CUL4A: variants seen among roughly 807,000 people sequenced by gnomAD.
CUL4A encodes the protein cullin 4A.
Under a neutral mutation model 95.5 loss-of-function variants are expected in CUL4A, and 16 were observed. The observed-to-expected ratio is 0.17, with a 90% CI of 0.11 to 0.25. CUL4A has a LOEUF of 0.25. Ranked by LOEUF, CUL4A falls within the 10% of genes least tolerant of loss-of-function variation. The pLI is 1.00. For missense variants in CUL4A, 610 were observed against 937.0 expected (o/e 0.65, Z 4.56); for synonymous variants, 380 against 353.1 (o/e 1.08, Z -0.85).
At chr13:113,228,608 G>A (rs1343012482) in intron 4 of CUL4A, among the ~76,000 whole-genome samples, 1 of 151,964 alleles carries the variant, frequency 6.6e-6, no homozygotes, top group Admixed American at 6.6e-5. Context: ...TGTTGGGAAG[G>A]GTTTGGTGAG....
At chr13:113,219,257 T>C (rs141510158) in intron 3 of CUL4A, 5 of 460,312 alleles carry the variant, frequency 1.1e-5, no homozygotes, top group Non-Finnish European at 1.9e-5. Flanking sequence ...ATTTATTGGG[T>C]ATGGTTGAAG....
At position 113,232,202 on chromosome 13, in the gene CUL4A, GC is replaced by G. The variant is rs2041364281; in HGVS notation, c.513-972del. 2.9e-3 allele frequency among the ~76,000 whole-genome samples: 11 copies of G among 3,748 alleles called. 3 individuals carry two copies. The highest frequency in any genetic ancestry group is 6.4e-3 in the African/African-American group (9 of 1,404). The allele number at this position is 3,748 out of a possible 152,430, so 2.5% of individuals were successfully genotyped here. ...ACCATTACTGCTGCCACCACTACCC[GC>G]CCACCACCATTACTGCTGCCACCAC... On this transcript the variant is annotated intron_variant, in intron 5 of 19. Transcript: ENST00000375440.
In CUL4A at chr13:113,264,266, C is replaced by T. The variant is rs1313917303; in HGVS notation, c.*684C>T. 6.6e-6 allele frequency: 1 copy of T among 152,194 alleles called. No homozygotes were observed. Among genetic ancestry groups the T allele is most frequent in the Non-Finnish European group, 1.5e-5 (1 of 68,046 alleles). The allele number at this position is 152,194 out of a possible 1,614,324, so 9.4% of individuals were successfully genotyped here. On this transcript the variant is annotated 3_prime_UTR_variant, in exon 20 of 20. Transcript: ENST00000375440. ...TTCGTCAGCTGAGTTCCTTGTGAAT[C>T]TCTGTTTTAGGGTTTGGGGCTAGTG... is the stretch of plus-strand genomic sequence containing the variant.
Position 113,263,548 on chromosome 13 carries a change from A to G in CUL4A, c.2246A>G (p.Lys749Arg). The G allele has an allele frequency of 1.2e-6, 2 of 1,608,188 alleles. No homozygotes were observed. Among genetic ancestry groups the G allele is most frequent in the Non-Finnish European group, 1.7e-6 (2 of 1,177,476 alleles). ...LIDRDYMERD[K>R]DNPNQYHYVA Reference sequence around the variant, plus strand: ...GACAGAGACTATATGGAGAGAGACAAAGACAATCCGAATCAGTACCACTAC... The same window carrying G: ...GACAGAGACTATATGGAGAGAGACAGAGACAATCCGAATCAGTACCACTAC... Residue 749 changes from lysine to arginine, a missense_variant, in exon 20 of 20, where the codon AAA (lysine) becomes AGA (arginine). Lys to Arg is a conservative substitution (Grantham distance 26, BLOSUM62 2). Coordinates refer to ENST00000375440, the MANE Select transcript of CUL4A (RefSeq NM_001008895.4).
At chr13:113,244,573 T>A in intron 12 of CUL4A, 59 bp downstream of exon 12, 1 of 1,227,584 alleles carries the variant, frequency 8.1e-7, no homozygotes, top group South Asian at 1.3e-5. Context: ...AGGCCCTGCT[T>A]TCCCAGAGGA....
chr13:113,249,044 G>A (rs2139256797), intron 15 of CUL4A, among the ~76,000 whole-genome samples: 1 of 152,166 alleles, frequency 6.6e-6, no homozygotes, highest in African/African-American at 2.4e-5. Flanking sequence ...CATTCCATTA[G>A]CAGCTCCTCC....
intron 15 of CUL4A, among the ~76,000 whole-genome samples, chr13:113,248,877 A>G (rs921180177): frequency 2.0e-5 from 3 of 152,164 alleles, no homozygotes; most frequent in Non-Finnish European, 2.9e-5. Context: ...AACTTAGTGC[A>G]TGTTCAGTAC....
intron 2 of CUL4A, among the ~76,000 whole-genome samples, chr13:113,215,185 G>A (rs1390121722): frequency 6.4e-5 from 9 of 140,702 alleles, no homozygotes; most frequent in East Asian, 2.3e-4. Context: ...TCTCTCGTCC[G>A]TGTGGCTATG....
chr13:113,231,276 A>G (rs1044736233), intron 5 of CUL4A, among the ~76,000 whole-genome samples: 7 of 152,158 alleles, frequency 4.6e-5, no homozygotes, highest in African/African-American at 1.4e-4. Context: ...CATCTCTGGG[A>G]TGGGGAGGAG....
At chr13:113,208,690 C>T (rs1566999738), upstream of CUL4A, 9 of 1,558,116 alleles carry the variant, frequency 5.8e-6, no homozygotes, top group Non-Finnish European at 6.9e-6. Context: ...GGCCAGCTGG[C>T]GTCACTTCCG....
At chr13:113,231,030 C>T (rs2041293379) in intron 5 of CUL4A, among the ~76,000 whole-genome samples, 1 of 152,158 alleles carries the variant, frequency 6.6e-6, no homozygotes, top group South Asian at 2.1e-4. Context: ...ACCTCAGCCT[C>T]CCAAAGTGCT....
rs376855542 is a variant in CUL4A, at chr13:113,244,495, C to G, written c.1314C>G (p.Ile438Met). 2 of 1,612,574 alleles carry G rather than the reference C, an allele frequency of 1.2e-6. No homozygotes were observed. The highest frequency in any genetic ancestry group is 1.3e-5 in the African/African-American group (1 of 74,884). ...AGCGGACGTTGGACAAGATCATGAT[C>G]CTGTTCAGGTTTATCCACGGTGAGA... Reference protein sequence around the residue: ...ELERTLDKIMILFRFIHGKDV... With the variant: ...ELERTLDKIMMLFRFIHGKDV... The change falls in exon 12 of 20, where the codon ATC becomes ATG. Residue 438 changes from isoleucine (I) to methionine (M), a missense_variant. By Grantham distance (10) the Ile-to-Met change is conservative. This residue lies in a region of CUL4A where 153 missense variants were observed against 244.5 expected (regional missense o/e 0.63). Coordinates refer to ENST00000375440, the MANE Select transcript of CUL4A (RefSeq NM_001008895.4).
chr13:113,231,114 C>T (rs1428432717), intron 5 of CUL4A, among the ~76,000 whole-genome samples: 1 of 152,158 alleles, frequency 6.6e-6, no homozygotes, highest in African/African-American at 2.4e-5. Flanking sequence ...CCATAACTGT[C>T]ATACAAACTA....
Position 113,254,737 on chromosome 13 carries a change from C to G in CUL4A, c.1797C>G (p.Leu599=). The part of the protein sequence containing the change: ...FQVSLFQTLV[L]LMFNEGDGFS... Reference sequence around the variant, plus strand: ...TGTCCCTCTTCCAGACACTGGTGCTCCTCATGTTCAACGAGGGAGATGGCT... The same window carrying G: ...TGTCCCTCTTCCAGACACTGGTGCTGCTCATGTTCAACGAGGGAGATGGCT... Residue 599 remains leucine (L), a synonymous_variant, in exon 17 of 20, where the codon CTC becomes CTG. Coordinates refer to ENST00000375440, the MANE Select transcript of CUL4A (RefSeq NM_001008895.4). 6.2e-7 allele frequency: 1 copy of G among 1,613,226 alleles called. No homozygotes were observed. The highest frequency in any genetic ancestry group is 8.5e-7 in the Non-Finnish European group (1 of 1,179,830).
At position 113,233,292 on chromosome 13, in the gene CUL4A, G is replaced by A; in HGVS notation, c.628G>A (p.Asp210Asn). 6.2e-7 allele frequency: 1 copy of A among 1,613,690 alleles called. No individual in the cohort carries two copies. Among genetic ancestry groups the A allele is most frequent in the South Asian group, 1.1e-5 (1 of 91,048 alleles). ...IERERSGEAV[D>N]RSLLRSLLGM... Reference sequence around the variant, plus strand: ...GCGCGAGAGGAGCGGCGAGGCCGTGGACCGGAGCCTGTTGCGGAGCCTCCT... The same window carrying A: ...GCGCGAGAGGAGCGGCGAGGCCGTGAACCGGAGCCTGTTGCGGAGCCTCCT... Residue 210 changes from aspartate (D) to asparagine (N), a missense_variant, in exon 6 of 20, where the codon GAC (aspartate) becomes AAC (asparagine). Asp to Asn is a conservative substitution (Grantham distance 23). Around this residue, in one of 10 missense-constraint regions of CUL4A, gnomAD observed 97 missense variants for 100.3 expected, o/e 0.97. Coordinates refer to ENST00000375440, the MANE Select transcript of CUL4A (RefSeq NM_001008895.4).
chr13:113,252,381 A>G (rs891204742), intron 15 of CUL4A, among the ~76,000 whole-genome samples: 33 of 152,130 alleles, frequency 2.2e-4, no homozygotes, highest in African/African-American at 7.5e-4. Context: ...CAACAACAAC[A>G]ACAACAAAAA....
intron 18 of CUL4A, among the ~76,000 whole-genome samples, chr13:113,257,792 T>C (rs9604041): frequency 0.023 from 3,575 of 152,344 alleles, 145 homozygotes; most frequent in African/African-American, 0.081. Flanking sequence ...GTTATTTTTC[T>C]AGAAGTTTTT....
chr13:113,260,985 G>A (rs1595438154), intron 19 of CUL4A, among the ~76,000 whole-genome samples: 3 of 152,276 alleles, frequency 2.0e-5, no homozygotes, highest in Non-Finnish European at 4.4e-5. Flanking sequence ...CAGGGATGGT[G>A]CGCGCTTGTT....
Position 113,229,509 on chromosome 13 carries a change from C to A in CUL4A, c.502C>A (p.Pro168Thr), listed in dbSNP as rs1488747327. Residue 168 changes from proline (P) to threonine (T), a missense_variant, in exon 5 of 20, where the codon CCC becomes ACC. Transcript: ENST00000375440. Reference sequence around the variant, plus strand: ...CTATGTGCTGCAGAACTCCACGCTGCCCTCCATCTGGTGAGTGTCCTCACA... The same window carrying A: ...CTATGTGCTGCAGAACTCCACGCTGACCTCCATCTGGTGAGTGTCCTCACA... ...RTYVLQNSTL[P>T]SIWDMGLELF... The A allele has an allele frequency of 6.2e-7, 1 of 1,613,140 alleles. No homozygotes were observed.
Sources: allele counts gnomAD v4.1 joint callset (sites outside exome capture counted in the v4.1 genomes callset), GRCh38; gene constraint gnomAD v4.1.1; regional missense constraint gnomAD v4.1.1; transcripts MANE v1.5; gene names NCBI Gene and HGNC (gene_info 2026-07-23, HGNC 2026-07-21).